The following ATM variants were observed in gnomAD, a reference collection of about 807,000 sequenced individuals.
The protein encoded by ATM is ATM serine/threonine kinase, also known as serine-protein kinase ATM.
In ATM, 308 loss-of-function variants were observed where a neutral mutation model predicts 387.0. The observed-to-expected ratio is 0.80, with a 90% CI of 0.73 to 0.87. The LOEUF (loss-of-function observed/expected upper bound fraction) is 0.87, where lower values mean the gene tolerates loss of function less well. Ranked by LOEUF, ATM falls within the 40% of genes least tolerant of loss-of-function variation. The pLI, the probability that ATM is intolerant of heterozygous loss-of-function variation, is 0.00. For synonymous variants in ATM, 1,156 were observed against 1,187.3 expected (o/e 0.97, Z 0.54); for missense variants, 3,312 against 3,560.9 (o/e 0.93, Z 1.78).
At chr11:108,303,403 A>G (rs2083525976) in intron 36 of ATM, among the ~76,000 whole-genome samples, 1 of 152,166 alleles carries the variant, frequency 6.6e-6, no homozygotes, top group South Asian at 2.1e-4. Flanking sequence ...AGCAATCAGC[A>G]TAGCTTTTTT....
chr11:108,312,647 C>A, intron 40 of ATM, 149 bp downstream of exon 40: 1 of 625,416 alleles, frequency 1.6e-6, no homozygotes, highest in Non-Finnish European at 2.8e-6. Flanking sequence ...TGGTCTGAAG[C>A]TTAAGCCTTA....
At chr11:108,316,196 C>A in intron 42 of ATM, 83 bp downstream of exon 42, 1 of 1,235,946 alleles carries the variant, frequency 8.1e-7, no homozygotes, top group Non-Finnish European at 1.2e-6. Flanking sequence ...ATTTACACAG[C>A]CAGATAAACT....
chr11:108,345,841 C>G lies in ATM; in HGVS notation c.8517C>G (p.Phe2839Leu), dbSNP rs767845728. ...PVFRYFCMEKFLDPAIWFEKR... is the reference protein window; with the variant it reads ...PVFRYFCMEKLLDPAIWFEKR... The stretch of plus-strand genomic sequence containing the variant: ...TCCGTTACTTCTGCATGGAAAAATT[C>G]TTGGATCCAGCTATTTGGTTTGAGA... The change falls in exon 58 of 63, where the codon TTC (phenylalanine) becomes TTG (leucine). Residue 2839 changes from phenylalanine (F) to leucine (L), a missense_variant. Physicochemically the swap from Phe to Leu is conservative, Grantham distance 22. Coordinates refer to ENST00000675843, the MANE Select transcript of ATM (RefSeq NM_000051.4). The G allele has an allele frequency of 3.1e-6, 5 of 1,613,840 alleles. No homozygotes were observed. The highest frequency in any genetic ancestry group is 4.2e-6 in the Non-Finnish European group (5 of 1,179,858).
At chr11:108,282,680 C>A (rs751436997) in intron 24 of ATM, 30 bp from the exon 25 acceptor site, 5 of 1,599,884 alleles carry the variant, frequency 3.1e-6, no homozygotes, top group Non-Finnish European at 4.3e-6. Flanking sequence ...TTTCATTTTT[C>A]TTAACACATT....
chr11:108,261,573 C>T (rs1320526453), intron 16 of ATM, among the ~76,000 whole-genome samples: 3 of 152,058 alleles, frequency 2.0e-5, no homozygotes, highest in Non-Finnish European at 2.9e-5. Flanking sequence ...AAAAGCAGAG[C>T]GCCTCTCCTC....
chr11:108,241,781 A>T (rs376961444), intron 5 of ATM, among the ~76,000 whole-genome samples: 14 of 106,474 alleles, frequency 1.3e-4, no homozygotes, highest in Non-Finnish European at 1.6e-4. Context: ...ATAGGGCCTC[A>T]CTCTGTCACC....
rs776532221 is a variant in ATM at position 108,307,990 on chromosome 11, G to A, written c.5762+6G>A. The A allele has an allele frequency of 1.8e-5, 29 of 1,602,236 alleles. No individual in the cohort carries two copies. The highest frequency in any genetic ancestry group is 2.1e-5 in the Non-Finnish European group (25 of 1,169,554). On this transcript the variant is annotated splice_donor_region_variant and intron_variant, in intron 38 of 62. Coordinates refer to ENST00000675843, the MANE Select transcript of ATM (RefSeq NM_000051.4). Reference sequence around the variant, plus strand: ...TACATGAGAAGACAAAAGAGGTAATGTAATGAGTGTTGCTTCTTACGTTTA... The same window carrying A: ...TACATGAGAAGACAAAAGAGGTAATATAATGAGTGTTGCTTCTTACGTTTA...
intron 30 of ATM, 51 bp from the exon 31 acceptor site, chr11:108,293,262 C>G (rs1415922335): frequency 8.3e-7 from 1 of 1,198,496 alleles, no homozygotes. Flanking sequence ...TGTTGGCTTA[C>G]TTTAAAATTA....
intron 59 of ATM, among the ~76,000 whole-genome samples, chr11:108,350,867 A>G (rs2089116817): frequency 6.6e-6 from 1 of 152,154 alleles, no homozygotes; most frequent in Non-Finnish European, 1.5e-5. Context: ...ACCCCTTTGG[A>G]ATATTGTTTG....
chr11:108,359,766 G>C (rs370161537), intron 61 of ATM, among the ~76,000 whole-genome samples: 1 of 151,820 alleles, frequency 6.6e-6, no homozygotes, highest in East Asian at 1.9e-4. Context: ...AAGACACAAC[G>C]TACCAGAATC....
intron 61 of ATM, among the ~76,000 whole-genome samples, chr11:108,357,770 A>G (rs1169128671): frequency 1.3e-5 from 2 of 152,164 alleles, no homozygotes; most frequent in African/African-American, 2.4e-5. Flanking sequence ...AACAGAAAGG[A>G]TATCCACACC....
chr11:108,254,044 G>T lies in ATM; in HGVS notation c.2124+5G>T. On this transcript the variant is annotated splice_donor_5th_base_variant and intron_variant, in intron 13 of 62. Transcript: ENST00000675843. ...CTGAATAATTACTCATCTGAGGTGAGATTTTTTAAAAAAAGAACTAAGCTT... is the reference window on the plus strand; with the variant it reads ...CTGAATAATTACTCATCTGAGGTGATATTTTTTAAAAAAAGAACTAAGCTT... 6.2e-7 allele frequency: 1 copy of T among 1,612,278 alleles called. No individual in the cohort carries two copies. The highest frequency in any genetic ancestry group is 1.1e-5 in the South Asian group (1 of 90,998).
chr11:108,266,294 C>G (rs931753719), intron 16 of ATM, among the ~76,000 whole-genome samples: 2 of 151,758 alleles, frequency 1.3e-5, no homozygotes, highest in South Asian at 2.1e-4. Flanking sequence ...CCATGGAATA[C>G]TATGCAGCCA....
Position 108,271,447 on chromosome 11 carries a change from A to G in ATM, c.3077+41A>G, listed in dbSNP as rs199701726. The G allele has an allele frequency of 2.7e-5, 43 of 1,611,808 alleles. No homozygotes were observed. The South Asian group carries it at 2.7e-4, about 10-fold the overall frequency. On this transcript the variant is annotated intron_variant, in intron 20 of 62. Transcript: ENST00000675843. Reference sequence around the variant, plus strand: ...TTTGTGGTCCTATTTTTCTTTTGCTATCTGTGGATACGAATGCAAGTTTTG... The same window carrying G: ...TTTGTGGTCCTATTTTTCTTTTGCTGTCTGTGGATACGAATGCAAGTTTTG...
chr11:108,290,744 C>T (rs1419014147), intron 29 of ATM: 1 of 149,336 alleles, frequency 6.7e-6, no homozygotes, highest in African/African-American at 2.5e-5. Context: ...ATGGCTTGAG[C>T]TCAAGAGTTT....
At chr11:108,303,287 T>C (rs1270401006) in intron 36 of ATM, among the ~76,000 whole-genome samples, 1 of 152,176 alleles carries the variant, frequency 6.6e-6, no homozygotes, top group Non-Finnish European at 1.5e-5. Flanking sequence ...TGATTATAAA[T>C]TATTTGCATT....
At chr11:108,317,115 AAAATTG>A (rs2084735028) in intron 42 of ATM, among the ~76,000 whole-genome samples, 1 of 150,320 alleles carries the variant, frequency 6.7e-6, no homozygotes, top group African/African-American at 2.5e-5. Flanking sequence ...AAAAAAAAAA[AAAATTG>A]TAGAGACAGG....
intron 31 of ATM, 24 bp downstream of exon 31, chr11:108,293,501 TA>T (rs1300412157): frequency 6.4e-7 from 1 of 1,568,758 alleles, no homozygotes; most frequent in Non-Finnish European, 8.8e-7. Context: ...CATCATCTAC[TA>T]TTTTTTATTA....
At chr11:108,267,712 A>C (rs756794367) in intron 17 of ATM, among the ~76,000 whole-genome samples, 1 of 151,976 alleles carries the variant, frequency 6.6e-6, no homozygotes, top group Non-Finnish European at 1.5e-5. Context: ...CAAAAATTAG[A>C]TGGGCGTGGT....
Sources: allele counts gnomAD v4.1 joint callset (sites outside exome capture counted in the v4.1 genomes callset), GRCh38; gene constraint gnomAD v4.1.1; transcripts MANE v1.5; gene names NCBI Gene and HGNC (gene_info 2026-07-23, HGNC 2026-07-21).